The following RC3H1 variants were observed in gnomAD, a reference collection of about 807,000 sequenced individuals.
The protein encoded by RC3H1 is ring finger and CCCH-type domains 1, also known as roquin-1.
A neutral mutation model predicts 138.2 loss-of-function variants in RC3H1; 50 were observed. The observed-to-expected ratio is 0.36, with a 90% CI of 0.29 to 0.46. The LOEUF is 0.46. Among genes scored for constraint, RC3H1 ranks in the 20% least tolerant of loss-of-function variants. The pLI, the probability that RC3H1 is intolerant of heterozygous loss-of-function variation, is 1.00. For synonymous variants in RC3H1, 462 were observed against 489.1 expected (o/e 0.94, Z 0.73); for missense variants, 1,031 against 1,388.1 (o/e 0.74, Z 4.09).
At chr1:173,972,466 T>C in intron 8 of RC3H1, 43 bp downstream of exon 8, 2 of 1,363,362 alleles carry the variant, frequency 1.5e-6, no homozygotes, top group Non-Finnish European at 2.1e-6. Flanking sequence ...TTTTAAGGCA[T>C]ATCCACAGTG....
rs1263645626 is a variant in RC3H1, at chr1:173,954,223, T to C, written c.2371-2085A>G. On this transcript the variant is annotated intron_variant, in intron 13 of 19. Transcript: ENST00000367696. ...ATTGATAAAGAAAATGTGGTATATATACAATGAAATACTATTCAGACATAA... is the reference window on the plus strand; with the variant it reads ...ATTGATAAAGAAAATGTGGTATATACACAATGAAATACTATTCAGACATAA... Among the ~76,000 whole-genome samples, 3 of 152,180 alleles carry C rather than the reference T, an allele frequency of 2.0e-5. No homozygotes were observed. In the East Asian group the frequency reaches 5.8e-4, roughly 29 times the overall value.
chr1:173,951,838 C>T (rs1308013843), intron 14 of RC3H1, 148 bp downstream of exon 14: 3 of 525,430 alleles, frequency 5.7e-6, no homozygotes, highest in Admixed American at 4.2e-5. Flanking sequence ...AAAACCTATA[C>T]TGTTTAAAGA....
At chr1:173,981,673 T>C (rs1228856815) in intron 5 of RC3H1, among the ~76,000 whole-genome samples, 1 of 152,144 alleles carries the variant, frequency 6.6e-6, no homozygotes, top group Non-Finnish European at 1.5e-5. Context: ...GCTGGTGTAA[T>C]TCTAAAAATG....
chr1:173,959,264 G>C (rs1659770289), intron 13 of RC3H1, among the ~76,000 whole-genome samples: 1 of 151,812 alleles, frequency 6.6e-6, no homozygotes, highest in South Asian at 2.1e-4. Flanking sequence ...CTGAATAGAA[G>C]GGTCAATACA....
chr1:173,980,754 G>T, intron 6 of RC3H1, 55 bp downstream of exon 6: 1 of 1,358,206 alleles, frequency 7.4e-7, no homozygotes, highest in Non-Finnish European at 1.0e-6. Flanking sequence ...TTTGTTAAAT[G>T]AATTACCAAA....
intron 6 of RC3H1, among the ~76,000 whole-genome samples, chr1:173,980,124 C>T (rs993731104): frequency 4.0e-5 from 6 of 151,638 alleles, no homozygotes; most frequent in African/African-American, 1.2e-4. Context: ...GCAATCCCCC[C>T]ACCTTGGCCT....
rs1571232895 is a variant in RC3H1 at position 173,992,794 on chromosome 1, G to A, written c.192C>T (p.Leu64=). The A allele has an allele frequency of 1.9e-6, 3 of 1,614,156 alleles. No individual in the cohort carries two copies. Among genetic ancestry groups the A allele is most frequent in the Non-Finnish European group, 8.5e-7 (1 of 1,180,020 alleles). The part of the protein sequence containing the change: ...QTTINTDIEL[L]PVNSALLQLV... The stretch of plus-strand genomic sequence containing the variant: ...GCTGCAGCAATGCTGAGTTCACAGG[G>A]AGGAGCTCAATGTCTGTATTGATAG... Residue 64 remains leucine, a synonymous_variant, in exon 2 of 20, where the codon CTC becomes CTT. Transcript: ENST00000367696.
chr1:173,957,038 C>T (rs1260865576), intron 13 of RC3H1, among the ~76,000 whole-genome samples: 8 of 151,950 alleles, frequency 5.3e-5, no homozygotes, highest in East Asian at 1.9e-4. Flanking sequence ...CTCAGTCTCC[C>T]GAGTAGCTGG....
chr1:173,964,121 C>T lies in RC3H1; in HGVS notation c.1683G>A (p.Gly561=), dbSNP rs148712447. Residue 561 remains glycine, a synonymous_variant, in exon 11 of 20, where the codon GGG becomes GGA. Coordinates refer to ENST00000367696, the MANE Select transcript of RC3H1 (RefSeq NM_172071.4). Reference sequence around the variant, plus strand: ...CAGGCATTGGAGGCAGATCTGCTGGCCCCCTTGGAGGTATAGAATGTGGAT... The same window carrying T: ...CAGGCATTGGAGGCAGATCTGCTGGTCCCCTTGGAGGTATAGAATGTGGAT... The part of the protein sequence containing the change: ...PVNPHSIPPR[G]PADLPPMPVT... The T allele has an allele frequency of 2.1e-4, 340 of 1,614,084 alleles. 1 individual carries two copies. In the African/African-American group the frequency reaches 3.9e-3, roughly 18 times the overall value.
chr1:174,022,186 G>A lies in RC3H1; in HGVS notation c.-241C>T. 2 of 395,786 alleles carry A rather than the reference G, an allele frequency of 5.1e-6. No individual in the cohort carries two copies. The highest frequency in any genetic ancestry group is 4.4e-6 in the Non-Finnish European group (1 of 224,960). 24.5% of individuals were successfully genotyped at this position (395,786 alleles called of 1,614,324 possible). ...AGCCGCCGCCGCCGCCGAGGCCACC[G>A]TTGACTCTGATTCTGTCCCAGGCCG... On this transcript the variant is annotated 5_prime_UTR_variant, in exon 1 of 20. It adds an upstream start codon to the 5' untranslated region. Transcript: ENST00000367696. This position sits in a 1 kb window ranked among gnomAD's most constrained non-coding sequence, Gnocchi z 4.2.
Position 173,957,557 on chromosome 1 carries a change from C to G in RC3H1, c.2370+3520G>C, listed in dbSNP as rs184481895. On this transcript the variant is annotated intron_variant, in intron 13 of 19. Transcript: ENST00000367696. ...AAATATCACACCTGTTTTCTTCCCCCCCTCTAATTTTTCTGAGACAGGGTC... is the reference window on the plus strand; with the variant it reads ...AAATATCACACCTGTTTTCTTCCCCGCCTCTAATTTTTCTGAGACAGGGTC... 3.9e-5 allele frequency among the ~76,000 whole-genome samples: 6 copies of G among 151,978 alleles called. No homozygotes were observed. The East Asian group carries it at 5.8e-4, about 15-fold the overall frequency.
intron 1 of RC3H1, among the ~76,000 whole-genome samples, chr1:174,010,055 T>A (rs1050856398): frequency 6.6e-6 from 1 of 152,116 alleles, no homozygotes; most frequent in Non-Finnish European, 1.5e-5. Flanking sequence ...GAGCTGGTGA[T>A]TCCTTCTGTA....
chr1:173,974,565 C>T (rs1408405364), intron 7 of RC3H1, among the ~76,000 whole-genome samples: 2 of 152,026 alleles, frequency 1.3e-5, no homozygotes, highest in African/African-American at 2.4e-5. Flanking sequence ...GGAAAAACAT[C>T]CAAGTTAGAG....
chr1:173,963,589 G>C (rs765311575), intron 11 of RC3H1, among the ~76,000 whole-genome samples: 1 of 152,092 alleles, frequency 6.6e-6, no homozygotes, highest in Admixed American at 6.6e-5. Context: ...AAAATGTACT[G>C]TGGGTGTTTA....
At chr1:173,983,186 A>T (rs1660892062) in intron 4 of RC3H1, among the ~76,000 whole-genome samples, 1 of 152,192 alleles carries the variant, frequency 6.6e-6, no homozygotes, top group African/African-American at 2.4e-5. Flanking sequence ...AAAAATCAAA[A>T]AATTAAAAAA....
In RC3H1 at chr1:173,938,249, T is replaced by C. The variant is rs1278547864; in HGVS notation, c.*472A>G. On this transcript the variant is annotated 3_prime_UTR_variant, in exon 20 of 20. Transcript: ENST00000367696. ...CAGAATTCTCTGAAAGCTGACATTT[T>C]TGGTCTGTTTTAAGTTTATGGGGTG... 6.6e-6 allele frequency: 1 copy of C among 152,592 alleles called. No homozygotes were observed. Among genetic ancestry groups the C allele is most frequent in the Admixed American group, 6.5e-5 (1 of 15,280 alleles). The allele number at this position is 152,592 out of a possible 1,614,324, so 9.5% of individuals were successfully genotyped here. A position where few individuals can be genotyped will look rare whatever the true frequency, so the allele number is the denominator to read the frequency against.
At position 173,972,250 on chromosome 1, in the gene RC3H1, T is replaced by C. The variant is rs567635951; in HGVS notation, c.1221+259A>G. On this transcript the variant is annotated intron_variant, in intron 8 of 19. Transcript: ENST00000367696. ...ATTTTCTCCATCAAATGCTGCCATA[T>C]CCAATGTGAAGACTGACCCCAGCAT... 2.6e-5 allele frequency among the ~76,000 whole-genome samples: 4 copies of C among 152,258 alleles called. No individual in the cohort carries two copies. In the South Asian group the frequency reaches 8.3e-4, roughly 32 times the overall value.
chr1:173,936,778 TA>T lies in RC3H1; in HGVS notation c.*1942del, dbSNP rs1201558386. On this transcript the variant is annotated 3_prime_UTR_variant, in exon 20 of 20. Coordinates refer to ENST00000367696, the MANE Select transcript of RC3H1 (RefSeq NM_172071.4). The stretch of plus-strand genomic sequence containing the variant: ...ATATATATATTTTTTTTTTTTTTTT[TA>T]AAAAAAGAAGACAAATGTATAAGAA... The T allele has an allele frequency of 2.4e-4, 23 of 97,020 alleles. No individual in the cohort carries two copies. The highest frequency in any genetic ancestry group is 2.1e-4 in the Non-Finnish European group (10 of 46,962). The allele number at this position is 97,020 out of a possible 1,614,324, so 6.0% of individuals were successfully genotyped here.
At chr1:173,961,308 T>C in intron 12 of RC3H1, 64 bp from the exon 13 acceptor site, 1 of 1,410,192 alleles carries the variant, frequency 7.1e-7, no homozygotes, top group Admixed American at 2.0e-5. Flanking sequence ...TCATTTAATA[T>C]ACTCAGCGTA....
Sources: allele counts gnomAD v4.1 joint callset (sites outside exome capture counted in the v4.1 genomes callset), GRCh38; gene constraint gnomAD v4.1.1; non-coding constraint Gnocchi (gnomAD v3.1); transcripts MANE v1.5; gene names NCBI Gene and HGNC (gene_info 2026-07-23, HGNC 2026-07-21).